FBXO4: variants seen among roughly 807,000 people sequenced by gnomAD.
FBXO4 encodes the protein F-box only protein 4.
In FBXO4, 36 loss-of-function variants were observed where a neutral mutation model predicts 43.7. That is an observed-to-expected ratio of 0.82 (90% CI 0.63 to 1.09). The LOEUF is 1.09. FBXO4 is among the 50% of genes least tolerant of loss of function. FBXO4 has a pLI of 0.00. For missense variants in FBXO4, 435 were observed against 474.1 expected (o/e 0.92, Z 0.77); for synonymous variants, 180 against 165.6 (o/e 1.09, Z -0.67).
the FBXO4 span, among the ~76,000 whole-genome samples, chr5:41,949,204 T>G: frequency 6.6e-6 from 1 of 152,204 alleles, no homozygotes; most frequent in Non-Finnish European, 1.5e-5. Context: ...GTAATGGAAG[T>G]TCTGGCCAGG....
the FBXO4 span, among the ~76,000 whole-genome samples, chr5:42,033,775 A>G: frequency 4.9e-4 from 75 of 152,144 alleles, no homozygotes; most frequent in Non-Finnish European, 8.8e-4. Context: ...CATCCAGTCT[A>G]TCATTGATGG....
chr5:41,999,443 G>A, the FBXO4 span, among the ~76,000 whole-genome samples: 1 of 112,930 alleles, frequency 8.9e-6, no homozygotes, highest in Non-Finnish European at 1.7e-5. Flanking sequence ...AAATATATAT[G>A]TGAGTGTGTG....
chr5:41,945,482 AATTGC>A (rs1169805528), downstream of FBXO4, among the ~76,000 whole-genome samples: 2 of 152,174 alleles, frequency 1.3e-5, no homozygotes, highest in African/African-American at 4.8e-5. Flanking sequence ...GTAAATACAA[AATTGC>A]ATGCAGGGTT....
At chr5:42,032,725 C>T in the FBXO4 span, among the ~76,000 whole-genome samples, 1 of 152,284 alleles carries the variant, frequency 6.6e-6, no homozygotes, top group Non-Finnish European at 1.5e-5. Flanking sequence ...GCTCTACCCC[C>T]CCGTGGCTGT....
chr5:41,933,823 C>CT, intron 3 of FBXO4, 123 bp from the exon 4 acceptor site: 1 of 666,262 alleles, frequency 1.5e-6, no homozygotes, highest in Non-Finnish European at 2.6e-6. Flanking sequence ...TATTTCAACT[C>CT]TATGTATAAG....
At chr5:41,974,945 G>A in the FBXO4 span, among the ~76,000 whole-genome samples, 2 of 152,110 alleles carry the variant, frequency 1.3e-5, no homozygotes, top group African/African-American at 4.8e-5. Context: ...CAGGGATTGA[G>A]TTAATCTATT....
At chr5:42,010,111 A>C in the FBXO4 span, among the ~76,000 whole-genome samples, 1 of 152,220 alleles carries the variant, frequency 6.6e-6, no homozygotes. Context: ...TACATTAGGT[A>C]AATAGAATCA....
At chr5:41,949,406 C>A in the FBXO4 span, among the ~76,000 whole-genome samples, 2 of 152,170 alleles carry the variant, frequency 1.3e-5, no homozygotes, top group Non-Finnish European at 1.5e-5. Flanking sequence ...AAATCACAAG[C>A]ATTCTTATAC....
the FBXO4 span, among the ~76,000 whole-genome samples, chr5:41,947,388 G>A: frequency 6.6e-6 from 1 of 152,216 alleles, no homozygotes; most frequent in Non-Finnish European, 1.5e-5. Context: ...CAAAGGAGAT[G>A]AATAGATTGT....
At chr5:41,962,672 C>A in the FBXO4 span, among the ~76,000 whole-genome samples, 20 of 152,180 alleles carry the variant, frequency 1.3e-4, no homozygotes, top group African/African-American at 4.8e-4. Context: ...AAGGTAAGTG[C>A]CTCCTACCTT....
the FBXO4 span, among the ~76,000 whole-genome samples, chr5:42,008,215 G>T: frequency 6.6e-6 from 1 of 152,114 alleles, no homozygotes; most frequent in African/African-American, 2.4e-5. Flanking sequence ...AAATCAATAG[G>T]TGAAGGGTGT....
At chr5:42,036,643 G>A in the FBXO4 span, among the ~76,000 whole-genome samples, 1 of 152,132 alleles carries the variant, frequency 6.6e-6, no homozygotes, top group East Asian at 1.9e-4. Flanking sequence ...ATACACAAAG[G>A]GCCTGAGGGG....
the FBXO4 span, among the ~76,000 whole-genome samples, chr5:41,970,043 G>T: frequency 6.6e-6 from 1 of 151,958 alleles, no homozygotes; most frequent in Non-Finnish European, 1.5e-5. Context: ...AAACATGATT[G>T]GTTGTTATAT....
the FBXO4 span, among the ~76,000 whole-genome samples, chr5:41,994,159 C>T: frequency 6.6e-6 from 1 of 152,108 alleles, no homozygotes; most frequent in Non-Finnish European, 1.5e-5. Context: ...ATACAACTAT[C>T]CTTCGTACAA....
At position 41,941,743 on chromosome 5, in the gene FBXO4, A is replaced by C. The variant is rs1752009534; in HGVS notation, c.*462A>C. 6.5e-6 allele frequency: 1 copy of C among 153,250 alleles called. No individual in the cohort carries two copies. The highest frequency in any genetic ancestry group is 1.5e-5 in the Non-Finnish European group (1 of 68,754). 9.5% of individuals were successfully genotyped at this position (153,250 alleles called of 1,614,324 possible). A position where few individuals can be genotyped will look rare whatever the true frequency, so the allele number is the denominator to read the frequency against. ...AAATACACTGCTTAAAGACTGAAAA[A>C]TGTACTGGAATTGCATTTAATATTA... On this transcript the variant is annotated 3_prime_UTR_variant, in exon 7 of 7. Coordinates refer to ENST00000281623, the MANE Select transcript of FBXO4 (RefSeq NM_012176.3).
the FBXO4 span, among the ~76,000 whole-genome samples, chr5:41,952,727 A>T: frequency 6.6e-6 from 1 of 152,190 alleles, no homozygotes; most frequent in African/African-American, 2.4e-5. Context: ...AAAATATGTA[A>T]TATTTTATCT....
the FBXO4 span, among the ~76,000 whole-genome samples, chr5:42,001,229 A>ATTCG: frequency 6.6e-6 from 1 of 152,082 alleles, no homozygotes; most frequent in African/African-American, 2.4e-5. Context: ...TCATTCATTC[A>ATTCG]TTCATTCATT....
chr5:42,022,984 T>C, the FBXO4 span, among the ~76,000 whole-genome samples: 1 of 152,064 alleles, frequency 6.6e-6, no homozygotes, highest in Non-Finnish European at 1.5e-5. Context: ...CAAATGTCAA[T>C]TTCTACAATG....
At chr5:41,954,292 T>C in the FBXO4 span, among the ~76,000 whole-genome samples, 1 of 152,332 alleles carries the variant, frequency 6.6e-6, no homozygotes, top group Non-Finnish European at 1.5e-5. Flanking sequence ...ACTTGAAATA[T>C]TTTAAAGAGT....
Sources: gnomAD v4.1 joint callset for allele counts (sites outside exome capture counted in the v4.1 genomes callset) on GRCh38, gnomAD v4.1.1 for gene constraint, MANE v1.5 for transcripts, NCBI Gene and HGNC (gene_info 2026-07-23, HGNC 2026-07-21) for gene names.